TSPAN5: variants seen among roughly 807,000 people sequenced by gnomAD.
TSPAN5 encodes tetraspanin 5.
In TSPAN5, 10 loss-of-function variants were observed where a neutral mutation model predicts 37.1. The ratio of observed to expected loss-of-function variants is 0.27; its 90% confidence interval spans 0.17 to 0.46. The LOEUF (loss-of-function observed/expected upper bound fraction) is 0.46. TSPAN5 is among the 20% of genes least tolerant of loss of function. The pLI, the probability that TSPAN5 is intolerant of heterozygous loss-of-function variation, is 1.00. For synonymous variants in TSPAN5, 110 were observed against 118.9 expected (o/e 0.93, Z 0.48); for missense variants, 195 against 326.6 (o/e 0.60, Z 3.11).
At chr4:98,528,268 TAA>T (rs1213294450) in intron 1 of TSPAN5, among the ~76,000 whole-genome samples, 1 of 152,174 alleles carries the variant, frequency 6.6e-6, no homozygotes, top group African/African-American at 2.4e-5. Context: ...AAGGTTGACA[TAA>T]GTTATTATTT....
intron 1 of TSPAN5, among the ~76,000 whole-genome samples, chr4:98,515,786 T>C (rs1753714891): frequency 1.3e-5 from 2 of 152,130 alleles, no homozygotes; most frequent in East Asian, 1.9e-4. Context: ...CAGTATCCCA[T>C]GCATTTAAAA....
intron 1 of TSPAN5, among the ~76,000 whole-genome samples, chr4:98,566,609 A>C (rs979429042): frequency 7.9e-5 from 12 of 152,188 alleles, no homozygotes; most frequent in African/African-American, 2.9e-4. Flanking sequence ...TGGGTGACAA[A>C]TTGGTGCTAA....
At chr4:98,645,425 G>C (rs1376970125) in intron 1 of TSPAN5, among the ~76,000 whole-genome samples, 1 of 152,220 alleles carries the variant, frequency 6.6e-6, no homozygotes, top group African/African-American at 2.4e-5. Flanking sequence ...GATTCAAAGT[G>C]AGATCAGTGG....
chr4:98,598,545 A>G (rs1755809221), intron 1 of TSPAN5, among the ~76,000 whole-genome samples: 1 of 151,020 alleles, frequency 6.6e-6, no homozygotes, highest in Non-Finnish European at 1.5e-5. Flanking sequence ...GCTCACTGCA[A>G]CCTCCACCTC....
intron 1 of TSPAN5, among the ~76,000 whole-genome samples, chr4:98,631,594 C>G (rs940695998): frequency 1.3e-5 from 2 of 152,140 alleles, no homozygotes; most frequent in Admixed American, 1.3e-4. Context: ...CTTCAAGGTC[C>G]CATCCAACTG....
At chr4:98,523,582 G>A (rs921858494) in intron 1 of TSPAN5, among the ~76,000 whole-genome samples, 2 of 152,022 alleles carry the variant, frequency 1.3e-5, no homozygotes, top group Non-Finnish European at 2.9e-5. Flanking sequence ...TTACAGGTGT[G>A]CACCACCACA....
At chr4:98,551,715 T>A (rs1754622774) in intron 1 of TSPAN5, among the ~76,000 whole-genome samples, 1 of 151,190 alleles carries the variant, frequency 6.6e-6, no homozygotes. Context: ...TTAGCCAGGA[T>A]AGTCTCGATC....
At chr4:98,626,049 A>G (rs1238871706) in intron 1 of TSPAN5, among the ~76,000 whole-genome samples, 4 of 152,250 alleles carry the variant, frequency 2.6e-5, no homozygotes, top group Non-Finnish European at 5.9e-5. Flanking sequence ...ATTTATCAAC[A>G]TCAACATGTT....
intron 1 of TSPAN5, among the ~76,000 whole-genome samples, chr4:98,635,501 C>T (rs1002619478): frequency 6.6e-6 from 1 of 152,110 alleles, no homozygotes; most frequent in Non-Finnish European, 1.5e-5. Context: ...AGAACTCAGC[C>T]CATATGACAT....
chr4:98,491,040 T>C (rs540737892), intron 2 of TSPAN5, among the ~76,000 whole-genome samples: 8 of 151,646 alleles, frequency 5.3e-5, no homozygotes, highest in African/African-American at 1.5e-4. Context: ...CCAGCCTGGG[T>C]GACAAAGCGA....
chr4:98,631,960 T>C (rs1756759452), intron 1 of TSPAN5, among the ~76,000 whole-genome samples: 1 of 152,168 alleles, frequency 6.6e-6, no homozygotes. Context: ...CTTTGAGTCT[T>C]TACATCAGTA....
chr4:98,620,271 C>T (rs1029978849), intron 1 of TSPAN5, among the ~76,000 whole-genome samples: 5 of 152,174 alleles, frequency 3.3e-5, no homozygotes, highest in African/African-American at 1.2e-4. Context: ...GCCACCCAGT[C>T]GTGAGGAAGT....
chr4:98,584,580 G>A (rs1755445090), intron 1 of TSPAN5, among the ~76,000 whole-genome samples: 1 of 152,294 alleles, frequency 6.6e-6, no homozygotes, highest in South Asian at 2.1e-4. Flanking sequence ...ACTTATATAT[G>A]TAGACTTTCC....
chr4:98,533,962 A>AAAAAAAAAAAAAAAG (rs70955935), intron 1 of TSPAN5, among the ~76,000 whole-genome samples: 3 of 147,166 alleles, frequency 2.0e-5, no homozygotes, highest in Non-Finnish European at 4.5e-5. Flanking sequence ...AAAAAAAAAA[A>AAAAAAAAAAAAAAAG]CCAGCTCCTG....
intron 1 of TSPAN5, among the ~76,000 whole-genome samples, chr4:98,607,190 G>A (rs534642265): frequency 1.3e-5 from 2 of 152,308 alleles, no homozygotes; most frequent in South Asian, 4.2e-4. Flanking sequence ...TCCACAGAGT[G>A]TAATCTTGCA....
Position 98,525,146 on chromosome 4 carries a change from G to A in TSPAN5, c.82-17418C>T, listed in dbSNP as rs368020405. On this transcript the variant is annotated intron_variant, in intron 1 of 7. Coordinates refer to ENST00000305798, the MANE Select transcript of TSPAN5 (RefSeq NM_005723.4). ...GTTGACCCTTGAGTAGGTAATTTGT[G>A]TAAACATAAAATGGGTCCTGCTCTT... Among the ~76,000 whole-genome samples the A allele has an allele frequency of 5.3e-5, 8 of 152,200 alleles. 1 individual carries two copies. The highest frequency in any genetic ancestry group is 2.0e-4 in the Admixed American group (3 of 15,278).
At chr4:98,483,476 G>A (rs897350798) in intron 3 of TSPAN5, 1 of 152,248 alleles carries the variant, frequency 6.6e-6, no homozygotes, top group Non-Finnish European at 1.5e-5. Context: ...CAGAAACAAG[G>A]ATGAGTAAGA....
intron 1 of TSPAN5, among the ~76,000 whole-genome samples, chr4:98,532,333 C>G (rs1177689072): frequency 6.6e-6 from 1 of 152,150 alleles, no homozygotes; most frequent in Non-Finnish European, 1.5e-5. Context: ...CATGGAATGT[C>G]TTTGCATTTG....
intron 2 of TSPAN5, among the ~76,000 whole-genome samples, chr4:98,491,278 G>A (rs1204081186): frequency 1.3e-5 from 2 of 152,186 alleles, no homozygotes; most frequent in African/African-American, 2.4e-5. Context: ...AGAAGTGAAT[G>A]TGGAAGTCAA....
Sources: gnomAD v4.1 joint callset for allele counts (sites outside exome capture counted in the v4.1 genomes callset) on GRCh38, gnomAD v4.1.1 for gene constraint, MANE v1.5 for transcripts, NCBI Gene and HGNC (gene_info 2026-07-23, HGNC 2026-07-21) for gene names.